BCR: variants seen among roughly 807,000 people sequenced by gnomAD.
The protein encoded by BCR is BCR activator of RhoGEF and GTPase, also known as breakpoint cluster region protein.
Under a neutral mutation model 138.6 loss-of-function variants are expected in BCR, and 58 were observed. That is an observed-to-expected ratio of 0.42 (90% CI 0.34 to 0.52). The LOEUF is 0.52. Among genes scored for constraint, BCR ranks in the 20% least tolerant of loss-of-function variants. The pLI is 0.06. For synonymous variants in BCR, 786 were observed against 730.1 expected (o/e 1.08, Z -1.23); for missense variants, 1,599 against 1,727.2 (o/e 0.93, Z 1.32).
chr22:23,203,548 C>G (rs1298258356), intron 1 of BCR, among the ~76,000 whole-genome samples: 1 of 152,146 alleles, frequency 6.6e-6, no homozygotes, highest in Non-Finnish European at 1.5e-5. Context: ...ATTCCCGATT[C>G]CTTGATGACC....
intron 4 of BCR, among the ~76,000 whole-genome samples, chr22:23,267,912 G>A (rs996282018): frequency 6.6e-6 from 1 of 152,256 alleles, no homozygotes; most frequent in Non-Finnish European, 1.5e-5. Flanking sequence ...TGTCTGTGCA[G>A]TGGGAGGCTC....
At position 23,181,179 on chromosome 22, in the gene BCR, G is replaced by A. The variant is rs1330291397; in HGVS notation, c.219G>A (p.Gln73=). Residue 73 remains glutamine (Q), a synonymous_variant, in exon 1 of 23, where the codon CAG becomes CAA. Transcript: ENST00000305877. ...AGGAAAAGAAGAGCTATGACCGGCA[G>A]CGATGGGGCTTCCGGCGCGCGGCGC... ...LAKEKKSYDR[Q]RWGFRRAAQA... is the part of the protein sequence containing the mutation. 4 of 1,359,558 alleles carry A rather than the reference G, an allele frequency of 2.9e-6. No individual in the cohort carries two copies. The highest frequency in any genetic ancestry group is 3.9e-6 in the Non-Finnish European group (4 of 1,034,568). The allele number at this position is 1,359,558 out of a possible 1,614,324, so 84.2% of individuals were successfully genotyped here.
At chr22:23,226,427 G>T (rs2072895884) in intron 1 of BCR, among the ~76,000 whole-genome samples, 1 of 152,116 alleles carries the variant, frequency 6.6e-6, no homozygotes, top group African/African-American at 2.4e-5. Context: ...TGTTTTACCT[G>T]TGCTGATTGG....
chr22:23,231,544 AAAAT>A (rs1415164256), intron 1 of BCR, among the ~76,000 whole-genome samples: 5 of 151,650 alleles, frequency 3.3e-5, no homozygotes, highest in Non-Finnish European at 5.9e-5. Flanking sequence ...AAAATAAAAT[AAAAT>A]AAATAAAATA....
At chr22:23,265,369 C>CCGGA (rs752328770) in intron 4 of BCR, among the ~76,000 whole-genome samples, 1 of 152,234 alleles carries the variant, frequency 6.6e-6, no homozygotes, top group Non-Finnish European at 1.5e-5. Flanking sequence ...CTGCCCTTGT[C>CCGGA]CCCATGACCA....
chr22:23,203,677 G>A lies in BCR; in HGVS notation c.1279+21438G>A, dbSNP rs74882725. Among the ~76,000 whole-genome samples the A allele has an allele frequency of 4.3e-3, 651 of 152,282 alleles. 6 individuals are homozygous for A. Among genetic ancestry groups the A allele is most frequent in the South Asian group, 0.02 (95 of 4,822 alleles). ...GTGTGACACTCAGTTCTTTGTCAGC[G>A]CTGTGGTTCTTGGTAGGGAAAGAAC... On this transcript the variant is annotated intron_variant, in intron 1 of 22. Transcript: ENST00000305877.
intron 8 of BCR, among the ~76,000 whole-genome samples, chr22:23,274,225 G>T (rs2073544564): frequency 6.6e-6 from 1 of 152,200 alleles, no homozygotes; most frequent in African/African-American, 2.4e-5. Flanking sequence ...AGAAAGTGGG[G>T]TTCGTGGTTT....
Position 23,315,641 on chromosome 22 carries a change from A to G in BCR, c.*119A>G. On this transcript the variant is annotated 3_prime_UTR_variant, in exon 23 of 23. Transcript: ENST00000305877. ...TTGGGCCACCCCCAAGTGTTGGGCC[A>G]TCTGCCAAGAGACAGCGACCCAAAG... 1 of 958,492 alleles carries G rather than the reference A, an allele frequency of 1.0e-6. No homozygotes were observed. The highest frequency in any genetic ancestry group is 1.6e-6 in the Non-Finnish European group (1 of 607,896). 59.4% of individuals were successfully genotyped at this position (958,492 alleles called of 1,614,324 possible).
intron 8 of BCR, among the ~76,000 whole-genome samples, chr22:23,275,797 G>A (rs988032154): frequency 2.6e-5 from 4 of 152,178 alleles, no homozygotes; most frequent in Non-Finnish European, 1.5e-5. Flanking sequence ...CTCTTCTACC[G>A]ACTATTCTTT....
chr22:23,292,427 CTTTTT>C (rs1001439053), intron 14 of BCR, 109 bp from the exon 15 acceptor site: 7 of 796,218 alleles, frequency 8.8e-6, no homozygotes, highest in Non-Finnish European at 1.4e-5. Context: ...AAGTTACAAC[CTTTTT>C]TTTTTATTTT....
chr22:23,303,450 A>AG (rs543808244), intron 16 of BCR, among the ~76,000 whole-genome samples: 83 of 152,290 alleles, frequency 5.5e-4, no homozygotes, highest in Middle Eastern at 3.4e-3. Context: ...TCACCCATTC[A>AG]GGGGGGTCTC....
intron 1 of BCR, among the ~76,000 whole-genome samples, chr22:23,225,733 G>A (rs2072883644): frequency 1.3e-5 from 2 of 152,222 alleles, no homozygotes; most frequent in South Asian, 2.1e-4. Context: ...AGGTCCCTGT[G>A]CTTCTCCTGC....
chr22:23,228,549 T>G (rs143267528), intron 1 of BCR, among the ~76,000 whole-genome samples: 1 of 152,350 alleles, frequency 6.6e-6, no homozygotes, highest in Non-Finnish European at 1.5e-5. Flanking sequence ...AAAAGAGGCC[T>G]TATAGGGCTA....
intron 1 of BCR, among the ~76,000 whole-genome samples, chr22:23,246,487 A>G (rs948933374): frequency 3.3e-5 from 5 of 152,092 alleles, no homozygotes; most frequent in Non-Finnish European, 7.4e-5. Context: ...CTAGTTTTCA[A>G]TTGTTTTGAT....
chr22:23,238,180 T>C (rs576387710), intron 1 of BCR, among the ~76,000 whole-genome samples: 4 of 152,074 alleles, frequency 2.6e-5, no homozygotes, highest in East Asian at 2.0e-4. Flanking sequence ...GTTTATTGTC[T>C]TGTTTTTTAA....
intron 1 of BCR, among the ~76,000 whole-genome samples, chr22:23,235,296 T>C (rs1488133194): frequency 6.9e-6 from 1 of 143,932 alleles, no homozygotes; most frequent in African/African-American, 2.5e-5. Flanking sequence ...GCCAGACTGG[T>C]CTCGAACTCC....
chr22:23,317,223 A>G lies in BCR; in HGVS notation c.*1701A>G, dbSNP rs1250723842. ...TGCTTGTGGACCTGGCAAGGCAGGG[A>G]GCAGAAAACAGCCACTTGAAGGCTT... On this transcript the variant is annotated 3_prime_UTR_variant, in exon 23 of 23. Transcript: ENST00000305877. 2.5e-5 allele frequency: 3 copies of G among 118,950 alleles called. No homozygotes were observed. Among genetic ancestry groups the G allele is most frequent in the African/African-American group, 2.1e-4 (3 of 14,306 alleles). 7.4% of individuals were successfully genotyped at this position (118,950 alleles called of 1,614,324 possible). A position where few individuals can be genotyped will look rare whatever the true frequency, so the allele number is the denominator to read the frequency against.
At chr22:23,240,655 GAAAAAA>G (rs778252088) in intron 1 of BCR, among the ~76,000 whole-genome samples, 3 of 142,098 alleles carry the variant, frequency 2.1e-5, no homozygotes, top group Admixed American at 2.1e-4. Context: ...GTCTCAAAAA[GAAAAAA>G]AAAAGAAAAA....
intron 16 of BCR, among the ~76,000 whole-genome samples, chr22:23,308,366 C>T (rs1163578043): frequency 2.6e-5 from 4 of 152,052 alleles, no homozygotes; most frequent in African/African-American, 9.7e-5. Context: ...AGTGCAGTGG[C>T]GCCATCTTGG....
Sources: allele counts gnomAD v4.1 joint callset (sites outside exome capture counted in the v4.1 genomes callset), GRCh38; gene constraint gnomAD v4.1.1; transcripts MANE v1.5; gene names NCBI Gene and HGNC (gene_info 2026-07-23, HGNC 2026-07-21).